Variants in MCPH1 observed in about 807,000 individuals in gnomAD.
The protein encoded by MCPH1 is microcephalin 1.
Under a neutral mutation model 84.5 loss-of-function variants are expected in MCPH1, and 104 were observed. That is an observed-to-expected ratio of 1.23 (90% confidence interval 1.05 to 1.45). The LOEUF (loss-of-function observed/expected upper bound fraction) is 1.45, where lower values mean the gene tolerates loss of function less well. Ranked by LOEUF, MCPH1 falls within the 40% of genes most tolerant of loss-of-function variation. MCPH1 has a pLI of 0.00. For synonymous variants in MCPH1, 514 were observed against 366.8 expected (o/e 1.40, Z -4.58); for missense variants, 1,498 against 1,005.7 (o/e 1.49, Z -6.62).
Position 6,484,908 on chromosome 8 carries a change from T to C in MCPH1, c.2136+4032T>C, listed in dbSNP as rs556976751. 1.2e-4 allele frequency among the ~76,000 whole-genome samples: 18 copies of C among 152,358 alleles called. No homozygotes were observed. In the South Asian group the frequency reaches 3.7e-3, roughly 32 times the overall value. On this transcript the variant is annotated intron_variant, in intron 11 of 13. Coordinates refer to ENST00000344683, the MANE Select transcript of MCPH1 (RefSeq NM_024596.5). ...AGAACAATAGCAGCTGTCACATCTT[T>C]GGGGCATTGGAATTGTGCTGTGTTG... is the stretch of plus-strand genomic sequence containing the variant.
intron 12 of MCPH1, among the ~76,000 whole-genome samples, chr8:6,537,951 C>A (rs1009188636): frequency 2.0e-5 from 3 of 152,026 alleles, no homozygotes; most frequent in African/African-American, 4.8e-5. Context: ...ATCTGAGTGA[C>A]CTAAGGTGGA....
At chr8:6,626,344 G>T (rs887186395) in intron 13 of MCPH1, 3 of 985,156 alleles carry the variant, frequency 3.0e-6, no homozygotes, top group African/African-American at 3.5e-5. Context: ...ATCGGAAAGG[G>T]CATGATTACG....
intron 13 of MCPH1, among the ~76,000 whole-genome samples, chr8:6,641,279 GT>G (rs760204011): frequency 6.6e-6 from 1 of 152,118 alleles, no homozygotes; most frequent in Non-Finnish European, 1.5e-5. Flanking sequence ...AATCCATAGA[GT>G]TTTTACAACC....
chr8:6,491,909 C>G (rs546485997), intron 11 of MCPH1, among the ~76,000 whole-genome samples: 2 of 152,284 alleles, frequency 1.3e-5, no homozygotes, highest in East Asian at 3.9e-4. Context: ...CAAGTCTTTG[C>G]TATTGTAAAT....
rs543767532 is a variant in MCPH1, at chr8:6,421,294, T to G, written c.233+6411T>G. On this transcript the variant is annotated intron_variant, in intron 3 of 13. Transcript: ENST00000344683. ...GCTCTGGCTGCCAATTTATCACTTT[T>G]AGAGAGGCAATGTGATAATTGTTGA... 4.3e-4 allele frequency among the ~76,000 whole-genome samples: 65 copies of G among 152,308 alleles called. 1 individual carries two copies. Among genetic ancestry groups the G allele is most frequent in the Non-Finnish European group, 1.2e-4 (8 of 68,030 alleles).
At chr8:6,479,609 G>GT (rs903377611) in intron 10 of MCPH1, among the ~76,000 whole-genome samples, 1 of 151,536 alleles carries the variant, frequency 6.6e-6, no homozygotes, top group Non-Finnish European at 1.5e-5. Context: ...TAATTTTTTT[G>GT]TTTTTTTAGT....
chr8:6,598,586 G>A (rs998952709), intron 12 of MCPH1, among the ~76,000 whole-genome samples: 1 of 152,206 alleles, frequency 6.6e-6, no homozygotes, highest in Admixed American at 6.5e-5. Context: ...CTTTCTTCCC[G>A]AACACCCAAG....
intron 11 of MCPH1, among the ~76,000 whole-genome samples, chr8:6,485,671 A>G (rs1021153888): frequency 1.3e-5 from 2 of 152,010 alleles, no homozygotes; most frequent in Admixed American, 6.6e-5. Context: ...TGATGTCGCT[A>G]TTTGTTAATA....
intron 13 of MCPH1, among the ~76,000 whole-genome samples, chr8:6,633,689 G>A (rs1375414853): frequency 3.9e-5 from 6 of 152,132 alleles, no homozygotes; most frequent in African/African-American, 7.2e-5. Flanking sequence ...ACACAAGCAC[G>A]CCCACAATGT....
chr8:6,561,808 CAG>C (rs1481153705), intron 12 of MCPH1, among the ~76,000 whole-genome samples: 6 of 149,492 alleles, frequency 4.0e-5, no homozygotes, highest in South Asian at 2.4e-4. Context: ...GAAAGAAAAA[CAG>C]AGCTTTCAAT....
intron 12 of MCPH1, among the ~76,000 whole-genome samples, chr8:6,590,336 C>A (rs1447485901): frequency 2.6e-5 from 4 of 152,170 alleles, no homozygotes; most frequent in African/African-American, 9.7e-5. Context: ...ATCATCACCT[C>A]ATGCATGAAG....
chr8:6,637,836 GT>G (rs1354518770), intron 13 of MCPH1, among the ~76,000 whole-genome samples: 2 of 152,076 alleles, frequency 1.3e-5, no homozygotes, highest in Non-Finnish European at 2.9e-5. Flanking sequence ...AGTGATGGGG[GT>G]TAGGACCAGG....
chr8:6,616,333 C>T (rs1830790152), intron 12 of MCPH1: 1 of 152,192 alleles, frequency 6.6e-6, no homozygotes, highest in Non-Finnish European at 1.5e-5. Flanking sequence ...AACCGTCAGC[C>T]ACCCATGGGG....
intron 13 of MCPH1, chr8:6,627,203 G>A (rs1485675232): frequency 1.0e-5 from 10 of 985,220 alleles, no homozygotes; most frequent in South Asian, 9.4e-5. Flanking sequence ...TCAGGCCTTC[G>A]GGCTTCCTGA....
intron 12 of MCPH1, among the ~76,000 whole-genome samples, chr8:6,595,966 A>G (rs1405347544): frequency 6.6e-6 from 1 of 152,224 alleles, no homozygotes; most frequent in Non-Finnish European, 1.5e-5. Context: ...TCAGATGAAG[A>G]ATTTAAGAAA....
At chr8:6,586,584 G>A (rs963801864) in intron 12 of MCPH1, among the ~76,000 whole-genome samples, 15 of 152,322 alleles carry the variant, frequency 9.8e-5, no homozygotes, top group Admixed American at 7.2e-4. Flanking sequence ...GCTTAGAACT[G>A]CATGTCTGGG....
chr8:6,443,200 G>T (rs1002105149), intron 7 of MCPH1, among the ~76,000 whole-genome samples: 25 of 152,174 alleles, frequency 1.6e-4, no homozygotes, highest in African/African-American at 6.0e-4. Context: ...AGGTCATGTG[G>T]TTTGTGAATG....
intron 11 of MCPH1, among the ~76,000 whole-genome samples, chr8:6,492,237 G>A (rs554168824): frequency 6.6e-5 from 10 of 152,284 alleles, no homozygotes; most frequent in Middle Eastern, 3.4e-3. Context: ...GTGATGATGC[G>A]CATGTTTTCA....
At chr8:6,479,096 G>C (rs1318821729) in intron 10 of MCPH1, among the ~76,000 whole-genome samples, 1 of 152,000 alleles carries the variant, frequency 6.6e-6, no homozygotes, top group African/African-American at 2.4e-5. Flanking sequence ...AAAACCTTGT[G>C]TCTACAAAAA....
Sources: allele counts gnomAD v4.1 joint callset (sites outside exome capture counted in the v4.1 genomes callset), GRCh38; gene constraint gnomAD v4.1.1; transcripts MANE v1.5; gene names NCBI Gene and HGNC (gene_info 2026-07-23, HGNC 2026-07-21).